SMARCC1: variants seen among roughly 807,000 people sequenced by gnomAD.
The protein encoded by SMARCC1 is SWI/SNF related BAF chromatin remodeling complex subunit C1, also known as SWI/SNF complex subunit SMARCC1.
Under a neutral mutation model 147.4 loss-of-function variants are expected in SMARCC1, and 43 were observed. The observed-to-expected ratio is 0.29, with a 90% CI of 0.23 to 0.38. SMARCC1 has a LOEUF of 0.38. Ranked by LOEUF, SMARCC1 falls within the 10% of genes least tolerant of loss-of-function variation. The pLI, the probability that SMARCC1 is intolerant of heterozygous loss-of-function variation, is 1.00. For synonymous variants in SMARCC1, 495 were observed against 484.4 expected (o/e 1.02, Z -0.29); for missense variants, 1,119 against 1,381.1 (o/e 0.81, Z 3.01).
chr3:47,637,849 A>T (rs922252776), intron 22 of SMARCC1, among the ~76,000 whole-genome samples: 4 of 152,150 alleles, frequency 2.6e-5, no homozygotes, highest in Admixed American at 6.5e-5. Flanking sequence ...AGCTCTTCAC[A>T]CACTGGCTTT....
At chr3:47,775,079 T>C (rs1199220584) in intron 1 of SMARCC1, among the ~76,000 whole-genome samples, 1 of 152,098 alleles carries the variant, frequency 6.6e-6, no homozygotes, top group East Asian at 1.9e-4. Flanking sequence ...GTACTGGGAT[T>C]AGAGGCATAA....
intron 15 of SMARCC1, among the ~76,000 whole-genome samples, chr3:47,679,227 AAAGT>A (rs1230999200): frequency 1.3e-5 from 2 of 152,170 alleles, no homozygotes; most frequent in African/African-American, 4.8e-5. Context: ...AAAAAAAAAA[AAAGT>A]AACAGATTAA....
intron 1 of SMARCC1, among the ~76,000 whole-genome samples, chr3:47,777,066 A>C (rs1467026557): frequency 6.9e-6 from 1 of 144,636 alleles, no homozygotes; most frequent in Non-Finnish European, 1.5e-5. Context: ...GAGCCACTAC[A>C]CCTGGCCTCA....
rs1431131108 is a variant in SMARCC1, at chr3:47,646,431, C to T, written c.2321-7651G>A. On this transcript the variant is annotated intron_variant, in intron 21 of 27. Coordinates refer to ENST00000254480, the MANE Select transcript of SMARCC1 (RefSeq NM_003074.4). ...TGTGTAATCTGACCCATGTCTGCAG[C>T]GTTAAAAGAGGATTAAACGACTTAA... 2.6e-5 allele frequency among the ~76,000 whole-genome samples: 4 copies of T among 152,186 alleles called. No individual in the cohort carries two copies. The East Asian group carries it at 5.8e-4, about 22-fold the overall frequency.
In SMARCC1 at chr3:47,631,977, C is replaced by T. The variant is rs1325984772; in HGVS notation, c.2646+3213G>A. 2.0e-5 allele frequency among the ~76,000 whole-genome samples: 3 copies of T among 152,160 alleles called. No homozygotes were observed. The South Asian group carries it at 6.2e-4, about 32-fold the overall frequency. On this transcript the variant is annotated intron_variant, in intron 24 of 27. Transcript: ENST00000254480. ...GTCGTGCAGCATGAGCATTTGTACA[C>T]TTTCATAACTCAGAGGGAAACCTAG... is the stretch of plus-strand genomic sequence containing the variant.
intron 9 of SMARCC1, 77 bp downstream of exon 9, chr3:47,710,606 G>T: frequency 6.8e-7 from 1 of 1,466,582 alleles, no homozygotes; most frequent in Non-Finnish European, 9.3e-7. Flanking sequence ...GTATATGACA[G>T]CTTACTGATG....
In SMARCC1 at chr3:47,638,853, A is replaced by T. The variant is rs181827011; in HGVS notation, c.2321-73T>A. 272 of 1,020,078 alleles carry T rather than the reference A, an allele frequency of 2.7e-4. 2 individuals carry two copies. Among genetic ancestry groups the T allele is most frequent in the Admixed American group, 9.9e-4 (57 of 57,760 alleles). 63.2% of individuals were successfully genotyped at this position (1,020,078 alleles called of 1,614,324 possible). A position where few individuals can be genotyped will look rare whatever the true frequency, so the allele number is the denominator to read the frequency against. On this transcript the variant is annotated intron_variant, in intron 21 of 27. Transcript: ENST00000254480. The stretch of plus-strand genomic sequence containing the variant: ...AAAGCTATTATTATACAGCTGTGAG[A>T]GTGTCTGAAATACAAATATATACAG...
At chr3:47,684,036 A>T (rs2033688276) in intron 14 of SMARCC1, among the ~76,000 whole-genome samples, 1 of 152,114 alleles carries the variant, frequency 6.6e-6, no homozygotes, top group Non-Finnish European at 1.5e-5. Context: ...GCGGATCACG[A>T]GGTCAGGAGA....
chr3:47,732,891 C>A (rs1201096016), intron 5 of SMARCC1, among the ~76,000 whole-genome samples: 1 of 151,020 alleles, frequency 6.6e-6, no homozygotes, highest in African/African-American at 2.4e-5. Context: ...GGGTGGATCA[C>A]GAGGTCAGGA....
intron 3 of SMARCC1, among the ~76,000 whole-genome samples, chr3:47,738,873 CACTTGATAGCTGGGGGTATCCCAA>C (rs2034476089): frequency 6.6e-6 from 1 of 152,188 alleles, no homozygotes; most frequent in Non-Finnish European, 1.5e-5. Context: ...AATCTGAAAT[CACTTGATAGCTGGGGGTATCCCAA>C]ACCCACAAGT....
At position 47,772,778 on chromosome 3, in the gene SMARCC1, A is replaced by G. The variant is rs773098219; in HGVS notation, c.315+39T>C. 4 of 1,574,772 alleles carry G rather than the reference A, an allele frequency of 2.5e-6. No individual in the cohort carries two copies. In the East Asian group the frequency reaches 6.9e-5, roughly 27 times the overall value. On this transcript the variant is annotated intron_variant, in intron 2 of 27. Coordinates refer to ENST00000254480, the MANE Select transcript of SMARCC1 (RefSeq NM_003074.4). ...ATGCTACACCTAAAAGTATACAGCA[A>G]CTGAGGATGCCCAAATAACAGTAAG...
rs771856595 is a variant in SMARCC1 at position 47,680,461 on chromosome 3, T to C, written c.1433A>G (p.Lys478Arg). ...CATTTCTGGAGTCTTGGATTTGTTTTTTCCATTGAAGAACTCAGGAAGAGC... is the reference window on the plus strand; with the variant it reads ...CATTTCTGGAGTCTTGGATTTGTTTCTTCCATTGAAGAACTCAGGAAGAGC... ...RRALPEFFNG[K>R]NKSKTPEIYL... Residue 478 changes from lysine to arginine, a missense_variant, in exon 15 of 28, where the codon AAA becomes AGA. Coordinates refer to ENST00000254480, the MANE Select transcript of SMARCC1 (RefSeq NM_003074.4). 2 of 1,612,166 alleles carry C rather than the reference T, an allele frequency of 1.2e-6. No individual in the cohort carries two copies. The highest frequency in any genetic ancestry group is 1.1e-5 in the South Asian group (1 of 90,954).
At chr3:47,732,990 C>T (rs1344276038) in intron 5 of SMARCC1, among the ~76,000 whole-genome samples, 1 of 151,864 alleles carries the variant, frequency 6.6e-6, no homozygotes, top group Non-Finnish European at 1.5e-5. Context: ...TGCCTGTAAT[C>T]CCAGCTACTC....
intron 11 of SMARCC1, among the ~76,000 whole-genome samples, chr3:47,699,101 A>G (rs1272567533): frequency 6.6e-6 from 1 of 152,188 alleles, no homozygotes; most frequent in East Asian, 1.9e-4. Context: ...AAACACAGAA[A>G]AACACATTTG....
At chr3:47,595,353 C>T (rs1223392032) in intron 26 of SMARCC1, among the ~76,000 whole-genome samples, 1 of 152,046 alleles carries the variant, frequency 6.6e-6, no homozygotes, top group Non-Finnish European at 1.5e-5. Flanking sequence ...GTTGAAACCC[C>T]ATCTCTACTA....
chr3:47,713,215 G>C (rs1242346356), intron 8 of SMARCC1, among the ~76,000 whole-genome samples: 1 of 151,958 alleles, frequency 6.6e-6, no homozygotes, highest in Admixed American at 6.6e-5. Context: ...CAGCTACTCA[G>C]AAGGCTGAGG....
intron 26 of SMARCC1, chr3:47,604,606 G>A (rs1189896337): frequency 3.8e-6 from 1 of 264,606 alleles, no homozygotes; most frequent in Admixed American, 5.0e-5. Flanking sequence ...CTTTTTAGCT[G>A]ACCTTTAGAA....
At chr3:47,612,357 T>A (rs2032575804) in intron 25 of SMARCC1, among the ~76,000 whole-genome samples, 1 of 152,212 alleles carries the variant, frequency 6.6e-6, no homozygotes, top group South Asian at 2.1e-4. Flanking sequence ...TTTTGTTGAG[T>A]GACTACTGGT....
At chr3:47,778,895 G>A (rs2035010219) in intron 1 of SMARCC1, among the ~76,000 whole-genome samples, 1 of 151,914 alleles carries the variant, frequency 6.6e-6, no homozygotes, top group South Asian at 2.1e-4. Context: ...GGCTGAGGTG[G>A]GAGAATCACC....
Sources: allele counts gnomAD v4.1 joint callset (sites outside exome capture counted in the v4.1 genomes callset), GRCh38; gene constraint gnomAD v4.1.1; transcripts MANE v1.5; gene names NCBI Gene and HGNC (gene_info 2026-07-23, HGNC 2026-07-21).